The following KLRG2 variants were observed in gnomAD, a reference collection of about 807,000 sequenced individuals.
The protein encoded by KLRG2 is killer cell lectin like receptor G2, also known as killer cell lectin-like receptor subfamily G member 2.
A neutral mutation model predicts 35.4 loss-of-function variants in KLRG2; 39 were observed. The observed-to-expected ratio is 1.10, with a 90% CI of 0.85 to 1.44. The LOEUF is 1.44. Among genes scored for constraint, KLRG2 ranks in the 40% most tolerant of loss-of-function variants. The pLI is 0.00. For synonymous variants in KLRG2, 283 were observed against 265.8 expected (o/e 1.06, Z -0.63); for missense variants, 632 against 570.9 (o/e 1.11, Z -1.09).
chr7:139,460,661 TAAA>T (rs879646560), intron 3 of KLRG2, among the ~76,000 whole-genome samples: 1 of 138,932 alleles, frequency 7.2e-6, no homozygotes, highest in African/African-American at 2.7e-5. Flanking sequence ...AGACCCTGTC[TAAA>T]AAAAAAAAAG....
chr7:139,445,537 T>C, the KLRG2 span, among the ~76,000 whole-genome samples: 1 of 151,506 alleles, frequency 6.6e-6, no homozygotes, highest in African/African-American at 2.4e-5. Context: ...GAGAAACAGC[T>C]AGAGGGGAGT....
At chr7:139,431,044 T>C in the KLRG2 span, among the ~76,000 whole-genome samples, 1 of 147,712 alleles carries the variant, frequency 6.8e-6, no homozygotes, top group Non-Finnish European at 1.5e-5. Flanking sequence ...TAAATTGTGA[T>C]ACATCTCTAT....
intron 3 of KLRG2, among the ~76,000 whole-genome samples, chr7:139,455,778 CA>C (rs1429495913): frequency 2.6e-5 from 4 of 152,162 alleles, no homozygotes; most frequent in African/African-American, 9.6e-5. Context: ...CACTCCTGCT[CA>C]AATGGGTGAT....
In KLRG2 at chr7:139,480,219, G is replaced by C. The variant is rs143136241; in HGVS notation, c.786C>G (p.Tyr262Ter). Residue 262 changes from tyrosine to a stop codon, truncating the protein, a stop_gained, in exon 2 of 5, where the codon TAC becomes TAG. Transcript: ENST00000340940. LOFTEE classifies it high-confidence loss of function. Reference protein sequence around the residue: ...TGLPMYVKSLYWALAFMAVLL... With the variant: ...TGLPMYVKSL ...GCACAGCCATGAACGCCAGGGCCCAGTACAGGGACTTCACGTACATGGGTA... is the reference window on the plus strand; with the variant it reads ...GCACAGCCATGAACGCCAGGGCCCACTACAGGGACTTCACGTACATGGGTA... 3.1e-5 allele frequency: 50 copies of C among 1,612,814 alleles called. No individual in the cohort carries two copies. Among genetic ancestry groups the C allele is most frequent in the Non-Finnish European group, 4.2e-5 (49 of 1,179,030 alleles).
At chr7:139,444,961 CAT>C in the KLRG2 span, among the ~76,000 whole-genome samples, 1 of 152,184 alleles carries the variant, frequency 6.6e-6, no homozygotes, top group Admixed American at 6.5e-5. Context: ...GCAAAACCAA[CAT>C]AAACTGTGAC....
At position 139,479,621 on chromosome 7, in the gene KLRG2, TC is replaced by T. The variant is rs1796917607; in HGVS notation, c.1005+5del. On this transcript the variant is annotated splice_donor_5th_base_variant and intron_variant, in intron 3 of 4. Coordinates refer to ENST00000340940, the MANE Select transcript of KLRG2 (RefSeq NM_198508.4). Reference sequence around the variant, plus strand: ...TACCCCCTTAGATTGGACACCCCCTTCTCACCTGGGTGTGGCTTAGCAGGGG... The same window carrying T: ...TACCCCCTTAGATTGGACACCCCCTTTCACCTGGGTGTGGCTTAGCAGGGG... 6.2e-7 allele frequency: 1 copy of T among 1,611,270 alleles called. No homozygotes were observed. The highest frequency in any genetic ancestry group is 2.2e-5 in the East Asian group (1 of 44,874).
chr7:139,459,117 T>G (rs1233025711), intron 3 of KLRG2, among the ~76,000 whole-genome samples: 1 of 152,256 alleles, frequency 6.6e-6, no homozygotes, highest in Non-Finnish European at 1.5e-5. Flanking sequence ...TTTACTTATG[T>G]TTCAAATGAT....
At chr7:139,468,044 T>A (rs184877737) in intron 3 of KLRG2, among the ~76,000 whole-genome samples, 3 of 152,302 alleles carry the variant, frequency 2.0e-5, no homozygotes, top group Non-Finnish European at 4.4e-5. Flanking sequence ...ATTGAGATGT[T>A]TATGTGTGTG....
intron 3 of KLRG2, among the ~76,000 whole-genome samples, chr7:139,455,668 G>A (rs747968909): frequency 5.9e-5 from 9 of 152,246 alleles, no homozygotes; most frequent in Admixed American, 2.0e-4. Flanking sequence ...TAAGTCCCAG[G>A]GTGGGGACGT....
intron 3 of KLRG2, among the ~76,000 whole-genome samples, chr7:139,459,837 C>T (rs957307773): frequency 2.6e-5 from 4 of 151,916 alleles, no homozygotes; most frequent in African/African-American, 9.7e-5. Context: ...CTGCAACCTC[C>T]GCCTCCCAGG....
At chr7:139,481,701 A>G (rs919758650) in intron 1 of KLRG2, among the ~76,000 whole-genome samples, 1 of 152,150 alleles carries the variant, frequency 6.6e-6, no homozygotes, top group Non-Finnish European at 1.5e-5. Flanking sequence ...AGGCGGCTGG[A>G]TCACCTGAGG....
At chr7:139,466,279 C>G (rs1035517404) in intron 3 of KLRG2, among the ~76,000 whole-genome samples, 1 of 152,134 alleles carries the variant, frequency 6.6e-6, no homozygotes, top group African/African-American at 2.4e-5. Flanking sequence ...GGGTAGAAGC[C>G]TTTCCCACAG....
intron 3 of KLRG2, among the ~76,000 whole-genome samples, chr7:139,477,450 ATGATACTAAG>A (rs1160371456): frequency 6.6e-6 from 1 of 152,208 alleles, no homozygotes; most frequent in African/African-American, 2.4e-5. Flanking sequence ...CCTTGAGGAC[ATGATACTAAG>A]TGAAATAAGC....
the KLRG2 span, among the ~76,000 whole-genome samples, chr7:139,436,341 C>G: frequency 6.6e-6 from 1 of 152,030 alleles, no homozygotes; most frequent in South Asian, 2.1e-4. Context: ...CTAGGGAACC[C>G]CCCCCTTCAC....
At chr7:139,474,940 G>A (rs1796824368) in intron 3 of KLRG2, among the ~76,000 whole-genome samples, 1 of 152,164 alleles carries the variant, frequency 6.6e-6, no homozygotes, top group Admixed American at 6.5e-5. Context: ...GCCCAAGGCA[G>A]GACTCTAATC....
chr7:139,450,574 C>T (rs1796363848), downstream of KLRG2, among the ~76,000 whole-genome samples: 1 of 152,066 alleles, frequency 6.6e-6, no homozygotes, highest in Admixed American at 6.6e-5. Flanking sequence ...ACTTACAAAG[C>T]CATTTTTAAA....
intron 3 of KLRG2, among the ~76,000 whole-genome samples, chr7:139,461,626 T>A (rs13240395): frequency 0.03 from 4,594 of 152,224 alleles, 107 homozygotes; most frequent in Non-Finnish European, 0.048. Context: ...TCCTGGCTCA[T>A]CCTGGCTCAA....
At chr7:139,436,164 A>G in the KLRG2 span, among the ~76,000 whole-genome samples, 1 of 152,090 alleles carries the variant, frequency 6.6e-6, no homozygotes, top group African/African-American at 2.4e-5. Context: ...CAGGCTCCCA[A>G]AGTGGTGGGA....
the KLRG2 span, among the ~76,000 whole-genome samples, chr7:139,432,676 A>G: frequency 6.6e-6 from 1 of 151,800 alleles, no homozygotes; most frequent in Admixed American, 6.6e-5. Context: ...CTGAGGGTGC[A>G]CAAGTCTCTC....
Sources: gnomAD v4.1 joint callset for allele counts (sites outside exome capture counted in the v4.1 genomes callset) on GRCh38, gnomAD v4.1.1 for gene constraint, MANE v1.5 for transcripts, NCBI Gene and HGNC (gene_info 2026-07-23, HGNC 2026-07-21) for gene names.